THNSL1: variants seen among roughly 807,000 people sequenced by gnomAD.
THNSL1 encodes the protein threonine synthase like 1.
A neutral mutation model predicts 50.4 loss-of-function variants in THNSL1; 48 were observed. The ratio of observed to expected loss-of-function variants is 0.95; its 90% CI spans 0.76 to 1.21. The LOEUF (loss-of-function observed/expected upper bound fraction) is 1.21, where lower values mean the gene tolerates loss of function less well. Ranked by LOEUF, THNSL1 falls within the 50% of genes most tolerant of loss-of-function variation. THNSL1 has a pLI of 0.00. For missense variants in THNSL1, 896 were observed against 871.7 expected (o/e 1.03, Z -0.35); for synonymous variants, 309 against 306.1 (o/e 1.01, Z -0.10).
upstream of THNSL1, among the ~76,000 whole-genome samples, chr10:25,014,054 T>C (rs1374414984): frequency 6.6e-6 from 1 of 152,226 alleles, no homozygotes; most frequent in East Asian, 1.9e-4. Context: ...GACTTCCCAT[T>C]GACTCTGAGG....
the THNSL1 span, among the ~76,000 whole-genome samples, chr10:24,992,046 G>A: frequency 6.6e-6 from 1 of 152,160 alleles, no homozygotes; most frequent in Non-Finnish European, 1.5e-5. Context: ...ATGTCACAAC[G>A]ACTGACAGTG....
rs780851173 is a variant in THNSL1, at chr10:25,024,704, G to T, written c.1481G>T (p.Gly494Val). ...GCATATCTTGATCTTGTTAGTCAAG[G>T]ATTTATTTCTTTTGGAAGCCCAGTC... ...ASAYLDLVSQ[G>V]FISFGSPVDV... The change falls in exon 3 of 3, where the codon GGA (glycine) becomes GTA (valine). Residue 494 changes from glycine to valine, a missense_variant. Physicochemically the swap from Gly to Val is moderately radical, Grantham distance 109. Transcript: ENST00000376356. 2 of 1,614,182 alleles carry T rather than the reference G, an allele frequency of 1.2e-6. No individual in the cohort carries two copies. Among genetic ancestry groups the T allele is most frequent in the Non-Finnish European group, 1.7e-6 (2 of 1,180,024 alleles).
the THNSL1 span, among the ~76,000 whole-genome samples, chr10:24,987,960 C>T: frequency 6.6e-6 from 1 of 151,968 alleles, no homozygotes; most frequent in African/African-American, 2.4e-5. Context: ...TTGGCTCACG[C>T]CTGTAATCCT....
the THNSL1 span, among the ~76,000 whole-genome samples, chr10:24,972,370 T>C: frequency 1.3e-5 from 2 of 151,504 alleles, no homozygotes; most frequent in Non-Finnish European, 2.9e-5. Flanking sequence ...TAGCCAGGTG[T>C]GGTGGCGGGT....
chr10:25,021,549 A>G (rs1443802409), intron 1 of THNSL1, among the ~76,000 whole-genome samples, 193 bp from the exon 2 acceptor site: 2 of 152,194 alleles, frequency 1.3e-5, no homozygotes, highest in African/African-American at 2.4e-5. Flanking sequence ...AATTCTTTTT[A>G]TAATGAGACA....
the THNSL1 span, chr10:24,995,892 G>GTTAA: frequency 6.4e-7 from 1 of 1,573,184 alleles, no homozygotes; most frequent in Non-Finnish European, 8.6e-7. Flanking sequence ...ACATTTCTTT[G>GTTAA]TTAATATTAA....
At chr10:25,021,111 TA>T (rs969849335) in intron 1 of THNSL1, among the ~76,000 whole-genome samples, 5 of 151,980 alleles carry the variant, frequency 3.3e-5, no homozygotes, top group African/African-American at 7.2e-5. Flanking sequence ...AACCAAACCA[TA>T]AAAAAAATGC....
At chr10:24,961,748 A>G in the THNSL1 span, among the ~76,000 whole-genome samples, 1 of 152,196 alleles carries the variant, frequency 6.6e-6, no homozygotes, top group East Asian at 1.9e-4. Flanking sequence ...TGGTTTTATC[A>G]TTGTACTCCA....
chr10:25,023,257 A>G lies in THNSL1; in HGVS notation c.34A>G (p.Lys12Glu). 1 of 1,613,174 alleles carries G rather than the reference A, an allele frequency of 6.2e-7. No individual in the cohort carries two copies. The highest frequency in any genetic ancestry group is 8.5e-7 in the Non-Finnish European group (1 of 1,179,502). Residue 12 changes from lysine to glutamate, a missense_variant, in exon 3 of 3, where the codon AAG becomes GAG. Transcript: ENST00000376356. ...LHFNRCHHLK[K>E]ITQKCFSSIH... Reference sequence around the variant, plus strand: ...CTTTAACCGATGTCATCATCTGAAAAAGATAACACAGAAATGTTTTTCTAG... The same window carrying G: ...CTTTAACCGATGTCATCATCTGAAAGAGATAACACAGAAATGTTTTTCTAG...
the THNSL1 span, among the ~76,000 whole-genome samples, chr10:25,003,421 G>A: frequency 3.6e-3 from 548 of 152,264 alleles, 3 homozygotes; most frequent in Middle Eastern, 6.8e-3. Context: ...TGGCCAGGCT[G>A]GTCTGGAAAT....
At chr10:24,958,443 C>T in the THNSL1 span, among the ~76,000 whole-genome samples, 3 of 152,204 alleles carry the variant, frequency 2.0e-5, no homozygotes, top group African/African-American at 7.2e-5. Flanking sequence ...CTAAGTAAGA[C>T]TCTTGCTAAC....
the THNSL1 span, among the ~76,000 whole-genome samples, chr10:24,994,498 T>A: frequency 6.6e-6 from 1 of 151,774 alleles, no homozygotes; most frequent in South Asian, 2.1e-4. Flanking sequence ...CACGCCTGGC[T>A]AATTTTTGTA....
the THNSL1 span, among the ~76,000 whole-genome samples, chr10:24,956,404 C>CTATCA: frequency 6.6e-6 from 1 of 150,862 alleles, no homozygotes; most frequent in African/African-American, 2.4e-5. Flanking sequence ...AGTCAATATA[C>CTATCA]TTGTATTTTT....
the THNSL1 span, among the ~76,000 whole-genome samples, chr10:24,993,176 TA>T: frequency 6.6e-6 from 1 of 152,108 alleles, no homozygotes; most frequent in African/African-American, 2.4e-5. Context: ...AATGGTGTGA[TA>T]CAGTTCAGAA....
the THNSL1 span, among the ~76,000 whole-genome samples, chr10:24,988,468 T>C: frequency 3.4e-5 from 5 of 146,244 alleles, no homozygotes; most frequent in African/African-American, 1.2e-4. Context: ...ATATAATTTA[T>C]TTATATATAA....
chr10:24,991,919 A>G, the THNSL1 span, among the ~76,000 whole-genome samples: 1 of 152,212 alleles, frequency 6.6e-6, no homozygotes, highest in African/African-American at 2.4e-5. Context: ...CTTTGGAGTC[A>G]GAGCCTCACA....
chr10:24,987,649 G>A, the THNSL1 span, among the ~76,000 whole-genome samples: 1 of 152,018 alleles, frequency 6.6e-6, no homozygotes, highest in African/African-American at 2.4e-5. Context: ...GTGTGCCTTC[G>A]ATTTCCTGCT....
the THNSL1 span, among the ~76,000 whole-genome samples, chr10:25,001,001 A>C: frequency 6.6e-6 from 1 of 151,190 alleles, no homozygotes; most frequent in Non-Finnish European, 1.5e-5. Context: ...ATCCAACCCC[A>C]CTCTTGTCTT....
chr10:24,963,603 G>A, the THNSL1 span, among the ~76,000 whole-genome samples: 2 of 152,116 alleles, frequency 1.3e-5, no homozygotes, highest in Non-Finnish European at 2.9e-5. Context: ...CATTACACAT[G>A]TTCTAAAAGT....
Sources: gnomAD v4.1 joint callset for allele counts (sites outside exome capture counted in the v4.1 genomes callset) on GRCh38, gnomAD v4.1.1 for gene constraint, MANE v1.5 for transcripts, NCBI Gene and HGNC (gene_info 2026-07-23, HGNC 2026-07-21) for gene names.